The following C8orf34 variants were observed in gnomAD, a reference collection of about 807,000 sequenced individuals.
C8orf34 encodes the protein chromosome 8 open reading frame 34.
In C8orf34, 65 loss-of-function variants were observed where a neutral mutation model predicts 68.3. That is an observed-to-expected ratio of 0.95 (90% CI 0.78 to 1.17). The LOEUF (loss-of-function observed/expected upper bound fraction) is 1.17, where lower values mean the gene tolerates loss of function less well. Among genes scored for constraint, C8orf34 ranks in the 50% most tolerant of loss-of-function variants. The pLI is 0.00. For synonymous variants in C8orf34, 244 were observed against 241.2 expected (o/e 1.01, Z -0.11); for missense variants, 664 against 655.4 (o/e 1.01, Z -0.14).
intron 1 of C8orf34, among the ~76,000 whole-genome samples, chr8:68,344,923 A>G (rs555070076): frequency 1.3e-5 from 2 of 152,128 alleles, no homozygotes; most frequent in Non-Finnish European, 2.9e-5. Flanking sequence ...AATCTCTAGA[A>G]TATAAGTGTG....
chr8:68,725,435 G>T (rs1302359683), intron 10 of C8orf34, among the ~76,000 whole-genome samples: 1 of 152,146 alleles, frequency 6.6e-6, no homozygotes, highest in East Asian at 1.9e-4. Flanking sequence ...TTCCTAAAAT[G>T]CCCAGGGTTT....
At chr8:68,458,114 T>C (rs1235532255) in intron 3 of C8orf34, among the ~76,000 whole-genome samples, 15 of 152,184 alleles carry the variant, frequency 9.9e-5, no homozygotes, top group Admixed American at 9.8e-4. Flanking sequence ...TTAGGCAAGA[T>C]TTATTACATG....
intron 7 of C8orf34, among the ~76,000 whole-genome samples, chr8:68,564,536 G>C (rs1816527854): frequency 6.6e-6 from 1 of 152,136 alleles, no homozygotes; most frequent in Non-Finnish European, 1.5e-5. Flanking sequence ...TATGTGGGTA[G>C]GACACAGAAG....
chr8:68,477,510 G>T (rs966366941), intron 4 of C8orf34, among the ~76,000 whole-genome samples: 2 of 152,176 alleles, frequency 1.3e-5, no homozygotes, highest in African/African-American at 4.8e-5. Flanking sequence ...GTGGCATTAT[G>T]AGAAGAAGGC....
intron 12 of C8orf34, among the ~76,000 whole-genome samples, chr8:68,809,181 C>T (rs768568031): frequency 2.0e-5 from 3 of 152,168 alleles, no homozygotes; most frequent in Non-Finnish European, 4.4e-5. Context: ...AAGGGATATA[C>T]TAACTACATG....
At chr8:68,485,656 G>A (rs13262106) in intron 4 of C8orf34, among the ~76,000 whole-genome samples, 94,459 of 150,918 alleles carry the variant, frequency 0.63, 29,960 homozygotes, top group East Asian at 0.88. Flanking sequence ...GGGTTGCAGT[G>A]AGCCGAGATC....
At chr8:68,555,752 T>C (rs1275291841) in intron 7 of C8orf34, among the ~76,000 whole-genome samples, 1 of 152,198 alleles carries the variant, frequency 6.6e-6, no homozygotes. Context: ...CAATTAATTT[T>C]GTGTTTTAGA....
At chr8:68,705,826 G>A (rs558336809) in intron 8 of C8orf34, among the ~76,000 whole-genome samples, 2 of 152,244 alleles carry the variant, frequency 1.3e-5, no homozygotes, top group Admixed American at 1.3e-4. Context: ...TGGTTGGGGG[G>A]TGATAGTGGA....
intron 5 of C8orf34, among the ~76,000 whole-genome samples, chr8:68,509,746 T>C (rs910517834): frequency 6.6e-6 from 1 of 152,146 alleles, no homozygotes; most frequent in Admixed American, 6.5e-5. Context: ...TCCTAGCAGA[T>C]ACCTGGGGTA....
chr8:68,683,639 A>G (rs994490928), intron 8 of C8orf34, among the ~76,000 whole-genome samples: 3 of 152,156 alleles, frequency 2.0e-5, no homozygotes, highest in Admixed American at 2.0e-4. Context: ...TTCAGAAAGA[A>G]AAAACGTATC....
chr8:68,642,976 G>A (rs1022972637), intron 8 of C8orf34, among the ~76,000 whole-genome samples: 5 of 152,136 alleles, frequency 3.3e-5, no homozygotes, highest in South Asian at 2.1e-4. Flanking sequence ...GACAGGAGGC[G>A]GAGCTCAGGT....
chr8:68,437,722 A>G (rs1344745121), intron 1 of C8orf34, among the ~76,000 whole-genome samples: 2 of 152,142 alleles, frequency 1.3e-5, no homozygotes, highest in African/African-American at 2.4e-5. Flanking sequence ...CTTGTTTTTC[A>G]GAATATAAAA....
intron 4 of C8orf34, among the ~76,000 whole-genome samples, chr8:68,469,057 C>A (rs1418073964): frequency 2.0e-5 from 3 of 151,978 alleles, no homozygotes; most frequent in African/African-American, 4.8e-5. Context: ...TGTTTGGCTC[C>A]AACACTTGTA....
At chr8:68,346,631 T>A (rs764874959) in intron 1 of C8orf34, among the ~76,000 whole-genome samples, 3 of 152,088 alleles carry the variant, frequency 2.0e-5, no homozygotes, top group South Asian at 2.1e-4. Context: ...CCTGGCAACC[T>A]CTGATCTTTT....
chr8:68,346,566 A>G (rs1160955493), intron 1 of C8orf34, among the ~76,000 whole-genome samples: 1 of 152,028 alleles, frequency 6.6e-6, no homozygotes, highest in Non-Finnish European at 1.5e-5. Flanking sequence ...GAGTATTTTC[A>G]CTGTCCTAAA....
intron 1 of C8orf34, among the ~76,000 whole-genome samples, chr8:68,381,783 C>T (rs1033662572): frequency 1.2e-4 from 16 of 135,706 alleles, no homozygotes; most frequent in African/African-American, 4.1e-4. Flanking sequence ...AAATGGCTTA[C>T]AAATTGAGGA....
chr8:68,410,970 A>G (rs916371118), intron 1 of C8orf34, among the ~76,000 whole-genome samples: 7 of 152,160 alleles, frequency 4.6e-5, no homozygotes, highest in Non-Finnish European at 1.0e-4. Context: ...GTAAGAATAG[A>G]ACTAATTTTG....
At chr8:68,516,815 T>A (rs1204072224) in intron 5 of C8orf34, among the ~76,000 whole-genome samples, 1 of 151,944 alleles carries the variant, frequency 6.6e-6, no homozygotes, top group Non-Finnish European at 1.5e-5. Flanking sequence ...TAATTTTTTT[T>A]ATTTTTAGTA....
At chr8:68,568,029 T>G (rs1444223808) in intron 7 of C8orf34, among the ~76,000 whole-genome samples, 3 of 151,990 alleles carry the variant, frequency 2.0e-5, no homozygotes. Flanking sequence ...TAGGGAGGAC[T>G]GAGAAGAAGC....
Sources: gnomAD v4.1 joint callset for allele counts (sites outside exome capture counted in the v4.1 genomes callset) on GRCh38, gnomAD v4.1.1 for gene constraint, MANE v1.5 for transcripts, NCBI Gene and HGNC (gene_info 2026-07-23, HGNC 2026-07-21) for gene names.